CD6: variants seen among roughly 807,000 people sequenced by gnomAD.
CD6 encodes the protein CD6 molecule, also known as T-cell differentiation antigen CD6.
In CD6, 53 loss-of-function variants were observed where a neutral mutation model predicts 75.3. That is an observed-to-expected ratio of 0.70 (90% CI 0.56 to 0.88). CD6 has a LOEUF of 0.88. Ranked by LOEUF, CD6 falls within the 40% of genes least tolerant of loss-of-function variation. The pLI, the probability that CD6 is intolerant of heterozygous loss-of-function variation, is 0.00. For missense variants in CD6, 770 were observed against 897.1 expected (o/e 0.86, Z 1.81); for synonymous variants, 359 against 381.5 (o/e 0.94, Z 0.69).
intron 1 of CD6, among the ~76,000 whole-genome samples, chr11:60,982,089 TGGGGCTGG>T (rs1857584642): frequency 2.0e-5 from 1 of 49,070 alleles, no homozygotes; most frequent in African/African-American, 8.9e-5. Context: ...GTTCTGTGCA[TGGGGCTGG>T]GGACAGCAGA....
At chr11:60,974,189 T>C (rs1012408515) in intron 1 of CD6, among the ~76,000 whole-genome samples, 1 of 152,200 alleles carries the variant, frequency 6.6e-6, no homozygotes, top group Non-Finnish European at 1.5e-5. Flanking sequence ...TTCAGGCCTT[T>C]ACCCCAAGAA....
At chr11:60,987,592 T>TG (rs905282132) in intron 1 of CD6, among the ~76,000 whole-genome samples, 3 of 151,928 alleles carry the variant, frequency 2.0e-5, no homozygotes, top group Middle Eastern at 3.4e-3. Context: ...GTGTGTATGG[T>TG]GGGGGGGTAT....
intron 1 of CD6, among the ~76,000 whole-genome samples, chr11:60,975,484 C>T (rs1216926516): frequency 6.6e-6 from 1 of 152,156 alleles, no homozygotes; most frequent in Non-Finnish European, 1.5e-5. Flanking sequence ...ATTAAGTTTA[C>T]ATATTCCTTT....
At chr11:60,974,074 T>C (rs1323756287) in intron 1 of CD6, among the ~76,000 whole-genome samples, 1 of 151,954 alleles carries the variant, frequency 6.6e-6, no homozygotes, top group Non-Finnish European at 1.5e-5. Flanking sequence ...GCCGACCATA[T>C]TGGGGAAAGG....
intron 1 of CD6, among the ~76,000 whole-genome samples, chr11:60,990,816 C>G (rs1197415145): frequency 1.8e-5 from 1 of 56,800 alleles, no homozygotes; most frequent in Non-Finnish European, 5.2e-5. Context: ...ACATATTGTT[C>G]TGAAACTTAT....
At chr11:60,975,215 C>T (rs997245800) in intron 1 of CD6, among the ~76,000 whole-genome samples, 3 of 152,162 alleles carry the variant, frequency 2.0e-5, no homozygotes, top group Non-Finnish European at 4.4e-5. Context: ...ACCTAGCATC[C>T]TTAAATAATA....
At position 61,009,623 on chromosome 11, in the gene CD6, T is replaced by TG; in HGVS notation, c.835dup (p.Glu279GlyfsTer13). On this transcript the variant is annotated frameshift_variant, in exon 5 of 13. Transcript: ENST00000313421. LOFTEE classifies it high-confidence loss of function. ...GGCGCTGACCGCTGCGAGGGGCAGG[T>TG]GGAGGTACACTTCCGAGGGGTCTGG... 6.2e-7 allele frequency: 1 copy of TG among 1,612,994 alleles called. No homozygotes were observed. Among genetic ancestry groups the TG allele is most frequent in the Non-Finnish European group, 8.5e-7 (1 of 1,179,814 alleles).
At chr11:61,017,257 G>A (rs933310514) in intron 9 of CD6, 2 of 566,996 alleles carry the variant, frequency 3.5e-6, no homozygotes, top group African/African-American at 3.8e-5. Context: ...GGGGTTGTAG[G>A]GCACTAGAGT....
intron 1 of CD6, 52 bp from the exon 2 acceptor site, chr11:61,006,522 G>T: frequency 6.8e-7 from 1 of 1,459,924 alleles, no homozygotes; most frequent in Non-Finnish European, 9.4e-7. Flanking sequence ...TGTCTCTGTG[G>T]TCTCCAGGCC....
At position 61,017,551 on chromosome 11, in the gene CD6, G is replaced by A. The variant is rs1345917809; in HGVS notation, c.1582+1G>A. On this transcript the variant is annotated splice_donor_variant, in intron 10 of 12. Coordinates refer to ENST00000313421, the MANE Select transcript of CD6 (RefSeq NM_006725.5). LOFTEE classifies it high-confidence loss of function. Reference sequence around the variant, plus strand: ...TTCCAGATGCCACCCTTGGAGGAAGGTGAGTCAGGATGGGAAGGGGTGTGA... The same window carrying A: ...TTCCAGATGCCACCCTTGGAGGAAGATGAGTCAGGATGGGAAGGGGTGTGA... The A allele has an allele frequency of 1.9e-6, 3 of 1,557,802 alleles. No individual in the cohort carries two copies. The highest frequency in any genetic ancestry group is 2.6e-6 in the Non-Finnish European group (3 of 1,150,262).
chr11:60,974,469 T>C (rs1045199830), intron 1 of CD6, among the ~76,000 whole-genome samples: 2 of 152,312 alleles, frequency 1.3e-5, no homozygotes, highest in Admixed American at 1.3e-4. Context: ...ATGGTCTCAA[T>C]CTCCTGACCT....
chr11:61,015,886 G>C (rs760893985), intron 9 of CD6, 51 bp downstream of exon 9: 3 of 1,606,016 alleles, frequency 1.9e-6, no homozygotes, highest in Non-Finnish European at 2.6e-6. Context: ...ATCTGGGAGG[G>C]GGCCCCGAGG....
chr11:61,008,700 C>T lies in CD6; in HGVS notation c.636C>T (p.Pro212=). The change falls in exon 4 of 13, where the codon CCC becomes CCT. Residue 212 remains proline (P), a synonymous_variant. Coordinates refer to ENST00000313421, the MANE Select transcript of CD6 (RefSeq NM_006725.5). The part of the protein sequence containing the change: ...LGCGWAVQAL[P]GLHFTPGRGP... ...GCGGCTGGGCAGTCCAGGCCCTGCC[C>T]GGCTTGCACTTCACGCCCGGCCGCG... is the stretch of plus-strand genomic sequence containing the variant. 1.2e-6 allele frequency: 2 copies of T among 1,607,674 alleles called. No individual in the cohort carries two copies. Among genetic ancestry groups the T allele is most frequent in the Middle Eastern group, 3.3e-4 (2 of 6,054 alleles).
At chr11:60,980,865 T>G (rs1176463467) in intron 1 of CD6, among the ~76,000 whole-genome samples, 4 of 151,830 alleles carry the variant, frequency 2.6e-5, no homozygotes, top group Non-Finnish European at 4.4e-5. Context: ...TTAATTAAAT[T>G]GAAAGAAAGA....
chr11:60,972,832 G>C, intron 1 of CD6, among the ~76,000 whole-genome samples: 1 of 152,278 alleles, frequency 6.6e-6, no homozygotes, highest in Non-Finnish European at 1.5e-5. Flanking sequence ...GGTACATGTC[G>C]CGAGACTCTG....
At chr11:61,005,941 A>AAAG (rs1590710253) in intron 1 of CD6, among the ~76,000 whole-genome samples, 2 of 151,212 alleles carry the variant, frequency 1.3e-5, no homozygotes, top group East Asian at 2.0e-4. Flanking sequence ...CAAAAAAAAA[A>AAAG]AAAGAAAGAA....
Position 61,018,030 on chromosome 11 carries a change from C to G in CD6, c.1837+17C>G, listed in dbSNP as rs368070100. On this transcript the variant is annotated intron_variant, in intron 11 of 12. Transcript: ENST00000313421. ...CCTTTTCAGGTAAGCTGTGCCTCCC[C>G]CAAACCCCCATCCCATAGCCAGCCT... 1.3e-5 allele frequency: 21 copies of G among 1,608,148 alleles called. No individual in the cohort carries two copies. In the Admixed American group the frequency reaches 3.2e-4, roughly 24 times the overall value.
At position 61,013,531 on chromosome 11, in the gene CD6, C is replaced by T. The variant is rs1859251881; in HGVS notation, c.1259C>T (p.Ala420Val). 1.2e-6 allele frequency: 2 copies of T among 1,614,040 alleles called. No individual in the cohort carries two copies. The highest frequency in any genetic ancestry group is 1.7e-6 in the Non-Finnish European group (2 of 1,180,004). ...CTCCTTGGCTCCCTCATCTTCATAG[C>T]CTTCATCCTCTTGAGAATTAAAGGA... is the stretch of plus-strand genomic sequence containing the variant. ...ILLLGSLIFI[A>V]FILLRIKGKY... The change falls in exon 7 of 13, where the codon GCC becomes GTC. Residue 420 changes from alanine (A) to valine (V), a missense_variant. Physicochemically the swap from Ala to Val is moderately conservative, Grantham distance 64 (BLOSUM62 0). Transcript: ENST00000313421.
At chr11:60,976,026 T>A (rs974531699) in intron 1 of CD6, among the ~76,000 whole-genome samples, 1 of 152,250 alleles carries the variant, frequency 6.6e-6, no homozygotes, top group Non-Finnish European at 1.5e-5. Flanking sequence ...AAGTTATTTT[T>A]AAAATTTTTA....
Sources: allele counts gnomAD v4.1 joint callset (sites outside exome capture counted in the v4.1 genomes callset), GRCh38; gene constraint gnomAD v4.1.1; transcripts MANE v1.5; gene names NCBI Gene and HGNC (gene_info 2026-07-23, HGNC 2026-07-21).